GSE1: variants seen among roughly 807,000 people sequenced by gnomAD.
GSE1 encodes genetic suppressor element 1.
In GSE1, 32 loss-of-function variants were observed where a neutral mutation model predicts 112.6. The ratio of observed to expected loss-of-function variants is 0.28; its 90% confidence interval spans 0.21 to 0.38. GSE1 has a LOEUF of 0.38. Among genes scored for constraint, GSE1 ranks in the 10% least tolerant of loss-of-function variants. GSE1 has a pLI of 1.00. For missense variants in GSE1, 2,348 were observed against 1,699.2 expected (o/e 1.38, Z -6.71); for synonymous variants, 1,115 against 735.6 (o/e 1.52, Z -8.35).
At position 85,367,844 on chromosome 16, in the gene GSE1, C is replaced by CCT. The variant is rs569377200; in HGVS notation, c.2464+10201_2464+10202insCT. On this transcript the variant is annotated intron_variant, in intron 2 of 2. Coordinates refer to the GSE1 transcript ENST00000637419. ...GCAAATGTAAAGAGGAAATAAGATTCTTTTTTTTTTTTTTTTTTTTCCGAG... is the reference window on the plus strand; with the variant it reads ...GCAAATGTAAAGAGGAAATAAGATTCCTTTTTTTTTTTTTTTTTTTTTCCGAG... 1.4e-4 allele frequency among the ~76,000 whole-genome samples: 16 copies of CCT among 115,036 alleles called. No individual in the cohort carries two copies. In the Admixed American group the frequency reaches 1.6e-3, roughly 12 times the overall value. 75.5% of individuals were successfully genotyped at this position (115,036 alleles called of 152,430 possible).
chr16:85,446,485 G>A (rs1391497699), intron 2 of GSE1, among the ~76,000 whole-genome samples: 1 of 152,212 alleles, frequency 6.6e-6, no homozygotes. Flanking sequence ...GGCATTGCTG[G>A]TGGCTCTCCT....
At chr16:85,379,583 C>T (rs2047500722) in intron 2 of GSE1, among the ~76,000 whole-genome samples, 1 of 152,192 alleles carries the variant, frequency 6.6e-6, no homozygotes. Context: ...ATGGACCATC[C>T]AAGGTCTTAC....
intron 1 of GSE1, among the ~76,000 whole-genome samples, chr16:85,335,159 C>G (rs1490534190): frequency 6.6e-6 from 1 of 152,240 alleles, no homozygotes; most frequent in African/African-American, 2.4e-5. Flanking sequence ...TATTCACAGC[C>G]CAGCCAGGGA....
rs1408007763 is a variant in GSE1, at chr16:85,657,529, T to C, written c.1565T>C (p.Val522Ala). ...QSQVSEFRQQ[V>A]LEQHLDMGRP... ...CAGGTGTCCGAGTTCCGGCAGCAGG[T>C]GCTGGAGCAGCACCTGGATATGGGC... The change falls in exon 8 of 16, where the codon GTG (valine) becomes GCG (alanine). Residue 522 changes from valine (V) to alanine (A), a missense_variant. Coordinates refer to ENST00000253458, the MANE Select transcript of GSE1 (RefSeq NM_014615.5). 13 of 1,602,140 alleles carry C rather than the reference T, an allele frequency of 8.1e-6. No homozygotes were observed. The highest frequency in any genetic ancestry group is 1.1e-5 in the Non-Finnish European group (13 of 1,174,844).
intron 1 of GSE1, among the ~76,000 whole-genome samples, chr16:85,331,727 T>TC (rs2046378664): frequency 9.7e-6 from 1 of 102,656 alleles, no homozygotes; most frequent in African/African-American, 3.6e-5. Context: ...TTTTTTTTTT[T>TC]AGTTAAGATG....
At chr16:85,265,246 G>C (rs1338122119) in intron 1 of GSE1, among the ~76,000 whole-genome samples, 1 of 152,180 alleles carries the variant, frequency 6.6e-6, no homozygotes, top group Non-Finnish European at 1.5e-5. Context: ...AGACCAGCCT[G>C]TTTGCAAAGG....
At chr16:85,235,244 ACC>A (rs1222169503) in intron 1 of GSE1, among the ~76,000 whole-genome samples, 1 of 150,632 alleles carries the variant, frequency 6.6e-6, no homozygotes, top group African/African-American at 2.4e-5. Flanking sequence ...CAAGCTCCCA[ACC>A]CCCCGGCCGC....
intron 1 of GSE1, among the ~76,000 whole-genome samples, chr16:85,583,850 G>T (rs1300637876): frequency 6.6e-6 from 1 of 152,194 alleles, no homozygotes; most frequent in Non-Finnish European, 1.5e-5. Context: ...CTGCCTCCCC[G>T]GCGGCCTCTG....
chr16:85,672,773 T>C lies in GSE1; in HGVS notation c.*234T>C, dbSNP rs544645697. 9 of 345,584 alleles carry C rather than the reference T, an allele frequency of 2.6e-5. No individual in the cohort carries two copies. The East Asian group carries it at 3.7e-4, about 14-fold the overall frequency. The allele number at this position is 345,584 out of a possible 1,614,324, so 21.4% of individuals were successfully genotyped here. ...ACCAATGTAGGATTGCCCACAGTTT[T>C]TCTTTTTAAAGGTGGTTTTCGCCCT... On this transcript the variant is annotated 3_prime_UTR_variant, in exon 16 of 16. Coordinates refer to ENST00000253458, the MANE Select transcript of GSE1 (RefSeq NM_014615.5).
intron 2 of GSE1, among the ~76,000 whole-genome samples, chr16:85,454,557 C>A (rs907128983): frequency 6.6e-6 from 1 of 152,244 alleles, no homozygotes; most frequent in East Asian, 1.9e-4. Context: ...TAATGAATCA[C>A]CCTAAACCAG....
At chr16:85,453,166 T>A (rs566685063) in intron 2 of GSE1, among the ~76,000 whole-genome samples, 1 of 152,064 alleles carries the variant, frequency 6.6e-6, no homozygotes, top group African/African-American at 2.4e-5. Context: ...AGCTCCCGTA[T>A]CGGGGGAAGG....
intron 1 of GSE1, among the ~76,000 whole-genome samples, chr16:85,210,484 G>T (rs1252621047): frequency 6.6e-6 from 1 of 152,166 alleles, no homozygotes; most frequent in African/African-American, 2.4e-5. Context: ...AGTTACTCGG[G>T]AGGCTGAGGT....
chr16:85,246,496 A>C (rs1295860926), intron 1 of GSE1, among the ~76,000 whole-genome samples: 11 of 40,446 alleles, frequency 2.7e-4, no homozygotes, highest in South Asian at 8.5e-4. Flanking sequence ...CACACACTCT[A>C]CACACCCCCC....
chr16:85,324,805 C>T (rs1007149522), intron 1 of GSE1, among the ~76,000 whole-genome samples: 9 of 151,684 alleles, frequency 5.9e-5, no homozygotes, highest in African/African-American at 9.7e-5. Flanking sequence ...GCGATTCCGT[C>T]GGGGAAAGGG....
intron 2 of GSE1, among the ~76,000 whole-genome samples, chr16:85,407,399 GC>G (rs1402939536): frequency 9.0e-5 from 1 of 11,072 alleles, no homozygotes; most frequent in Admixed American, 9.2e-4. Flanking sequence ...TACACTCAGG[GC>G]CCCCCTGGAT....
At chr16:85,362,542 T>TA (rs2047103264) in intron 2 of GSE1, among the ~76,000 whole-genome samples, 1 of 152,246 alleles carries the variant, frequency 6.6e-6, no homozygotes, top group Non-Finnish European at 1.5e-5. Flanking sequence ...GCTCAGCTGC[T>TA]CTGACTACTG....
intron 2 of GSE1, among the ~76,000 whole-genome samples, chr16:85,527,134 G>T (rs187231034): frequency 6.6e-6 from 1 of 152,164 alleles, no homozygotes; most frequent in African/African-American, 2.4e-5. Flanking sequence ...CCTGAGCAGC[G>T]GCCTGACTTG....
chr16:85,550,221 C>T (rs111296140), intron 2 of GSE1, among the ~76,000 whole-genome samples: 38 of 152,204 alleles, frequency 2.5e-4, no homozygotes, highest in African/African-American at 8.2e-4. Context: ...AAACCTTTGC[C>T]GATGGTAATG....
At chr16:85,668,112 A>C in intron 13 of GSE1, 28 bp from the exon 14 acceptor site, 1 of 1,527,228 alleles carries the variant, frequency 6.5e-7, no homozygotes, top group Non-Finnish European at 8.8e-7. Context: ...CCCCCAACAC[A>C]CTGATGCAAG....
Sources: gnomAD v4.1 joint callset for allele counts (sites outside exome capture counted in the v4.1 genomes callset) on GRCh38, gnomAD v4.1.1 for gene constraint, MANE v1.5 for transcripts, NCBI Gene and HGNC (gene_info 2026-07-23, HGNC 2026-07-21) for gene names.